The following GMDS variants were observed in gnomAD, a reference collection of about 807,000 sequenced individuals.
GMDS encodes GDP-mannose 4,6-dehydratase, also known as GDP-mannose 4,6 dehydratase.
In GMDS, 20 loss-of-function variants were observed where a neutral mutation model predicts 49.9. The ratio of observed to expected loss-of-function variants is 0.40; its 90% CI spans 0.28 to 0.58. The LOEUF is 0.58. Ranked by LOEUF, GMDS falls within the 20% of genes least tolerant of loss-of-function variation. The pLI is 0.42. For missense variants in GMDS, 362 were observed against 481.4 expected (o/e 0.75, Z 2.32); for synonymous variants, 177 against 178.6 (o/e 0.99, Z 0.07).
chr6:1,876,786 T>C (rs936123892), intron 7 of GMDS, among the ~76,000 whole-genome samples: 1 of 152,250 alleles, frequency 6.6e-6, no homozygotes, highest in Admixed American at 6.5e-5. Context: ...TAAAATAAAA[T>C]GTTTCCTTCC....
At chr6:2,202,720 C>T (rs1032292790) in intron 1 of GMDS, among the ~76,000 whole-genome samples, 1 of 152,152 alleles carries the variant, frequency 6.6e-6, no homozygotes, top group Non-Finnish European at 1.5e-5. Flanking sequence ...GATGCCACGT[C>T]TGTTGTGGTT....
Position 1,825,828 on chromosome 6 carries a change from A to G in GMDS, c.772-83242T>C, listed in dbSNP as rs139826222. Among the ~76,000 whole-genome samples, 159 of 152,250 alleles carry G rather than the reference A, an allele frequency of 1.0e-3. 3 individuals are homozygous for G. The highest frequency in any genetic ancestry group is 3.4e-3 in the Middle Eastern group (1 of 294). ...AGGAGTTTCAGACCAGCCGCCTGGC[A>G]GACATGGCGAAACCCCATCTCTACT... is the stretch of plus-strand genomic sequence containing the variant. On this transcript the variant is annotated intron_variant, in intron 7 of 10. Coordinates refer to ENST00000380815, the MANE Select transcript of GMDS (RefSeq NM_001500.4).
At chr6:1,975,605 T>G (rs534205385) in intron 4 of GMDS, among the ~76,000 whole-genome samples, 74 of 152,188 alleles carry the variant, frequency 4.9e-4, no homozygotes, top group Non-Finnish European at 7.6e-4. Flanking sequence ...GAATACACTA[T>G]GAAAATCTCC....
intron 1 of GMDS, among the ~76,000 whole-genome samples, chr6:2,203,764 T>C (rs1321817707): frequency 6.6e-6 from 1 of 152,166 alleles, no homozygotes; most frequent in African/African-American, 2.4e-5. Context: ...CACAGGTGGG[T>C]ACATTTTAGT....
intron 9 of GMDS, among the ~76,000 whole-genome samples, chr6:1,719,519 C>G (rs780252956): frequency 2.0e-5 from 3 of 151,664 alleles, no homozygotes; most frequent in Non-Finnish European, 4.4e-5. Context: ...AAACCACAGG[C>G]AGTATTATCT....
At chr6:1,811,555 C>CTT (rs67339222) in intron 7 of GMDS, among the ~76,000 whole-genome samples, 1,487 of 119,004 alleles carry the variant, frequency 0.012, 40 homozygotes, top group African/African-American at 0.025. Flanking sequence ...ACTAGTCAAG[C>CTT]TTTTTTTTTT....
In GMDS at chr6:1,923,401, C is replaced by T. The variant is rs116265278; in HGVS notation, c.771+6702G>A. 1.7e-3 allele frequency among the ~76,000 whole-genome samples: 261 copies of T among 152,332 alleles called. 1 individual carries two copies. Among genetic ancestry groups the T allele is most frequent in the African/African-American group, 5.8e-3 (240 of 41,578 alleles). On this transcript the variant is annotated intron_variant, in intron 7 of 10. Transcript: ENST00000380815. ...TTGATAACACACTGCTGTCCACAGA[C>T]GGCAGAGCTAAGAGAGCACTGTAAC...
chr6:2,077,465 T>C (rs1180771822), intron 4 of GMDS, among the ~76,000 whole-genome samples: 1 of 152,056 alleles, frequency 6.6e-6, no homozygotes, highest in Non-Finnish European at 1.5e-5. Context: ...TTCTATGCCA[T>C]ATTTGCTGAG....
At chr6:1,834,202 A>T (rs772174363) in intron 7 of GMDS, among the ~76,000 whole-genome samples, 1 of 152,258 alleles carries the variant, frequency 6.6e-6, no homozygotes, top group Non-Finnish European at 1.5e-5. Flanking sequence ...CTATTCTATA[A>T]GGATTCATTA....
At chr6:2,023,414 A>G (rs1473913555) in intron 4 of GMDS, among the ~76,000 whole-genome samples, 1 of 152,244 alleles carries the variant, frequency 6.6e-6, no homozygotes, top group Admixed American at 6.5e-5. Flanking sequence ...TCAAAACATA[A>G]GAAAACTTGT....
intron 2 of GMDS, 22 bp downstream of exon 2, chr6:2,124,665 C>T (rs766936870): frequency 2.6e-5 from 41 of 1,605,552 alleles, no homozygotes; most frequent in Admixed American, 3.3e-5. Flanking sequence ...AGCCTGCGCC[C>T]GCTTCCCATT....
intron 2 of GMDS, among the ~76,000 whole-genome samples, chr6:2,118,507 T>C (rs1349285936): frequency 6.6e-6 from 1 of 152,228 alleles, no homozygotes; most frequent in Non-Finnish European, 1.5e-5. Context: ...AAACCAAAAT[T>C]AATCCTTGGT....
At chr6:1,933,825 T>A (rs1762403820) in intron 6 of GMDS, among the ~76,000 whole-genome samples, 1 of 152,240 alleles carries the variant, frequency 6.6e-6, no homozygotes, top group South Asian at 2.1e-4. Flanking sequence ...TAGGCTGACT[T>A]TTCACTTTCT....
intron 4 of GMDS, among the ~76,000 whole-genome samples, chr6:2,091,786 C>A (rs553833701): frequency 6.6e-6 from 1 of 151,772 alleles, no homozygotes; most frequent in Admixed American, 6.6e-5. Flanking sequence ...AGCTGTGGTC[C>A]CAGCTACTCG....
intron 6 of GMDS, among the ~76,000 whole-genome samples, chr6:1,937,029 T>C (rs550302105): frequency 7.2e-5 from 11 of 152,114 alleles, no homozygotes; most frequent in African/African-American, 2.4e-4. Flanking sequence ...TTGTCCTTTA[T>C]ATGGTATTTT....
intron 4 of GMDS, among the ~76,000 whole-genome samples, chr6:2,043,091 G>C (rs1002065069): frequency 1.3e-5 from 2 of 152,116 alleles, no homozygotes; most frequent in Non-Finnish European, 2.9e-5. Context: ...GAAGACAAAG[G>C]GGTCCTGCAG....
chr6:2,198,911 C>CATT (rs1318029212), intron 1 of GMDS, among the ~76,000 whole-genome samples: 3 of 146,166 alleles, frequency 2.1e-5, no homozygotes, highest in African/African-American at 7.3e-5. Context: ...GAAAACAGAC[C>CATT]ATTCATAAAG....
chr6:1,995,344 G>A (rs1429988329), intron 4 of GMDS, among the ~76,000 whole-genome samples: 1 of 152,200 alleles, frequency 6.6e-6, no homozygotes, highest in Non-Finnish European at 1.5e-5. Flanking sequence ...GACACAGGCT[G>A]CCTGTGACCC....
intron 4 of GMDS, among the ~76,000 whole-genome samples, chr6:2,113,400 C>T (rs913423851): frequency 1.3e-5 from 2 of 151,950 alleles, no homozygotes; most frequent in South Asian, 2.1e-4. Flanking sequence ...TATCTTCCCC[C>T]GTTCAAAACA....
Sources: allele counts gnomAD v4.1 joint callset (sites outside exome capture counted in the v4.1 genomes callset), GRCh38; gene constraint gnomAD v4.1.1; transcripts MANE v1.5; gene names NCBI Gene and HGNC (gene_info 2026-07-23, HGNC 2026-07-21).